Variants in BIRC6 observed in about 807,000 individuals in gnomAD.
The protein encoded by BIRC6 is baculoviral IAP repeat containing 6, also known as dual E2 ubiquitin-conjugating enzyme/E3 ubiquitin-protein ligase BIRC6.
BIRC6 carries 98 observed loss-of-function variants against 503.3 expected under a neutral mutation model. The ratio of observed to expected loss-of-function variants is 0.19; its 90% confidence interval spans 0.17 to 0.23. The LOEUF (loss-of-function observed/expected upper bound fraction) is 0.23, where lower values mean the gene tolerates loss of function less well. Ranked by LOEUF, BIRC6 falls within the 10% of genes least tolerant of loss-of-function variation. BIRC6 has a pLI of 1.00. For synonymous variants in BIRC6, 2,240 were observed against 2,078.7 expected (o/e 1.08, Z -2.11); for missense variants, 5,360 against 5,806.0 (o/e 0.92, Z 2.50).
intron 65 of BIRC6, among the ~76,000 whole-genome samples, chr2:32,562,574 C>G (rs1265931633): frequency 1.3e-5 from 2 of 152,168 alleles, no homozygotes; most frequent in Admixed American, 1.3e-4. Context: ...GTTTACTGCC[C>G]TAAGAAATTC....
At chr2:32,498,534 A>G (rs1274933724) in intron 45 of BIRC6, among the ~76,000 whole-genome samples, 1 of 152,166 alleles carries the variant, frequency 6.6e-6, no homozygotes, top group Admixed American at 6.5e-5. Context: ...TATATATGCT[A>G]TAAACACAAT....
intron 73 of BIRC6, among the ~76,000 whole-genome samples, chr2:32,614,553 C>T (rs767551982): frequency 9.8e-5 from 15 of 152,304 alleles, no homozygotes; most frequent in Middle Eastern, 3.4e-3. Context: ...ATTGGCCAGG[C>T]GCAGTGACTC....
chr2:32,382,619 A>T (rs1162400157), intron 3 of BIRC6, among the ~76,000 whole-genome samples: 1 of 152,230 alleles, frequency 6.6e-6, no homozygotes, highest in Non-Finnish European at 1.5e-5. Context: ...CTCAGAGACA[A>T]CAGTTTAATT....
rs1426920797 is a variant in BIRC6, at chr2:32,575,760, G to A, written c.13355+394G>A. Among the ~76,000 whole-genome samples the A allele has an allele frequency of 1.4e-4, 21 of 149,950 alleles. No individual in the cohort carries two copies. In the East Asian group the frequency reaches 3.3e-3, roughly 24 times the overall value. ...AGCCTGGGTGACAGAGCGAGACTCCGTCTCAAAAAAAAAAAAAGAAAGAAA... is the reference window on the plus strand; with the variant it reads ...AGCCTGGGTGACAGAGCGAGACTCCATCTCAAAAAAAAAAAAAGAAAGAAA... On this transcript the variant is annotated intron_variant, in intron 66 of 73. Transcript: ENST00000421745.
At chr2:32,374,627 C>T (rs945817241) in intron 1 of BIRC6, among the ~76,000 whole-genome samples, 7 of 151,944 alleles carry the variant, frequency 4.6e-5, no homozygotes, top group African/African-American at 7.2e-5. Flanking sequence ...CGCCCGCCAC[C>T]ACGCCCGGCT....
chr2:32,532,959 A>G (rs2056904811), intron 61 of BIRC6, among the ~76,000 whole-genome samples: 1 of 152,174 alleles, frequency 6.6e-6, no homozygotes, highest in African/African-American at 2.4e-5. Flanking sequence ...AGAGTATGGA[A>G]TAATTTTGAG....
intron 39 of BIRC6, among the ~76,000 whole-genome samples, chr2:32,484,563 AAAAGAAAG>A (rs1212823951): frequency 2.0e-5 from 3 of 150,842 alleles, no homozygotes; most frequent in Non-Finnish European, 4.4e-5. Context: ...AAAAAAAAAA[AAAAGAAAG>A]AAAGAAAGAA....
At chr2:32,397,653 C>T (rs201092633) in intron 6 of BIRC6, among the ~76,000 whole-genome samples, 1 of 135,122 alleles carries the variant, frequency 7.4e-6, no homozygotes, top group African/African-American at 2.8e-5. Context: ...CACACACACA[C>T]ATATATGTGT....
At chr2:32,520,685 C>T (rs1006289644) in intron 57 of BIRC6, among the ~76,000 whole-genome samples, 3 of 152,100 alleles carry the variant, frequency 2.0e-5, no homozygotes, top group East Asian at 1.9e-4. Flanking sequence ...GGTATGATAG[C>T]GTGCACCTGT....
chr2:32,531,561 G>C lies in BIRC6; in HGVS notation c.12291+10G>C. On this transcript the variant is annotated intron_variant, in intron 61 of 73. Transcript: ENST00000421745. ...AGAAGTAATTCAACAGGTAAGATAA[G>C]ATTTCCTAATCGAGTATATCATTCC... The C allele has an allele frequency of 6.3e-7, 1 of 1,597,768 alleles. No individual in the cohort carries two copies. The highest frequency in any genetic ancestry group is 1.1e-5 in the South Asian group (1 of 88,864).
At chr2:32,600,750 C>A (rs1452631110) in intron 70 of BIRC6, among the ~76,000 whole-genome samples, 1 of 152,176 alleles carries the variant, frequency 6.6e-6, no homozygotes, top group Non-Finnish European at 1.5e-5. Context: ...TACCATCATA[C>A]TTACCGATGT....
intron 65 of BIRC6, among the ~76,000 whole-genome samples, chr2:32,551,926 C>T (rs568084201): frequency 2.0e-5 from 3 of 152,112 alleles, no homozygotes; most frequent in South Asian, 2.1e-4. Flanking sequence ...CATAATTTTG[C>T]CTGAGACATT....
intron 70 of BIRC6, among the ~76,000 whole-genome samples, chr2:32,600,781 G>C (rs2062002557): frequency 6.6e-6 from 1 of 152,124 alleles, no homozygotes; most frequent in Admixed American, 6.6e-5. Context: ...ACACACAATT[G>C]TGGACTTATT....
Position 32,536,716 on chromosome 2 carries a change from G to A in BIRC6, c.12291+5165G>A, listed in dbSNP as rs536563932. Among the ~76,000 whole-genome samples, 7 of 152,302 alleles carry A rather than the reference G, an allele frequency of 4.6e-5. No individual in the cohort carries two copies. In the East Asian group the frequency reaches 1.2e-3, roughly 25 times the overall value. ...CTGTTTTGGTTACTGTAGCCTTGTA[G>A]TATAGTTTGAAGTCAGGTAGCGTGA... On this transcript the variant is annotated intron_variant, in intron 61 of 73. Transcript: ENST00000421745.
chr2:32,423,716 G>A (rs78792164), intron 10 of BIRC6, among the ~76,000 whole-genome samples: 6,794 of 151,656 alleles, frequency 0.045, 235 homozygotes, highest in Non-Finnish European at 0.067. Context: ...TCAGTTATCT[G>A]TGGTCAGCTT....
intron 71 of BIRC6, among the ~76,000 whole-genome samples, chr2:32,603,744 A>G (rs1423296612): frequency 6.6e-6 from 1 of 152,082 alleles, no homozygotes; most frequent in Non-Finnish European, 1.5e-5. Context: ...ATCAATAAAT[A>G]AAAACGAAAG....
At position 32,515,779 on chromosome 2, in the gene BIRC6, A is replaced by C; in HGVS notation, c.11349+9A>C. 1 of 1,580,482 alleles carries C rather than the reference A, an allele frequency of 6.3e-7. No homozygotes were observed. Among genetic ancestry groups the C allele is most frequent in the South Asian group, 1.1e-5 (1 of 89,272 alleles). On this transcript the variant is annotated intron_variant, in intron 55 of 73. Transcript: ENST00000421745. ...AAAAGCTGATGGCACAGGTAAGACA[A>C]AAAAATAACTTACATTTTAGTTGTT...
rs771280255 is a variant in BIRC6, at chr2:32,464,698, C to T, written c.5131C>T (p.Pro1711Ser). The T allele has an allele frequency of 1.9e-6, 3 of 1,613,976 alleles. No homozygotes were observed. The highest frequency in any genetic ancestry group is 1.7e-5 in the Admixed American group (1 of 60,024). ...TCTTTTTATGACTCCACCACTCACT[C>T]CACCCAATGAAGCAGTTTCCGTTGT... is the stretch of plus-strand genomic sequence containing the variant. ...TPLFMTPPLT[P>S]PNEAVSVVIN... The change falls in exon 25 of 74, where the codon CCA becomes TCA. Residue 1711 changes from proline (P) to serine (S), a missense_variant. Transcript: ENST00000421745.
At chr2:32,499,503 C>G in intron 45 of BIRC6, 44 bp from the exon 46 acceptor site, 1 of 1,415,026 alleles carries the variant, frequency 7.1e-7, no homozygotes, top group Non-Finnish European at 9.5e-7. Context: ...TGTTGTATCT[C>G]TCTCTCTCTC....
Sources: allele counts gnomAD v4.1 joint callset (sites outside exome capture counted in the v4.1 genomes callset), GRCh38; gene constraint gnomAD v4.1.1; transcripts MANE v1.5; gene names NCBI Gene and HGNC (gene_info 2026-07-23, HGNC 2026-07-21).